The following DOP1B variants were observed in gnomAD, a reference collection of about 807,000 sequenced individuals.
DOP1B encodes the protein DOP1 leucine zipper like protein B.
A neutral mutation model predicts 233.5 loss-of-function variants in DOP1B; 174 were observed. That is an observed-to-expected ratio of 0.75 (90% CI 0.66 to 0.85). DOP1B has a LOEUF of 0.85. DOP1B is among the 40% of genes least tolerant of loss of function. The pLI is 0.00. For synonymous variants in DOP1B, 1,190 were observed against 1,185.6 expected (o/e 1.00, Z -0.08); for missense variants, 2,652 against 2,846.6 (o/e 0.93, Z 1.56).
In DOP1B at chr21:36,271,675, G is replaced by T. The variant is rs571466766; in HGVS notation, c.5632+1518G>T. On this transcript the variant is annotated intron_variant, in intron 27 of 36. Transcript: ENST00000691173. The stretch of plus-strand genomic sequence containing the variant: ...TAAACACCGGGACCCCTTAGCTGGT[G>T]TCCCACCATGTGTATGCCATCCTGC... Among the ~76,000 whole-genome samples the T allele has an allele frequency of 5.3e-5, 8 of 152,176 alleles. 1 individual carries two copies. The highest frequency in any genetic ancestry group is 1.3e-4 in the Admixed American group (2 of 15,286).
At chr21:36,233,731 G>A (rs1010683371) in intron 15 of DOP1B, among the ~76,000 whole-genome samples, 2 of 152,210 alleles carry the variant, frequency 1.3e-5, no homozygotes, top group African/African-American at 4.8e-5. Context: ...ACCAGTTATG[G>A]TTGTGTTGCT....
chr21:36,224,340 C>T (rs1202927580), intron 11 of DOP1B, among the ~76,000 whole-genome samples: 1 of 152,022 alleles, frequency 6.6e-6, no homozygotes, highest in Non-Finnish European at 1.5e-5. Context: ...CCACCACACC[C>T]AGCTAATTTT....
chr21:36,270,959 C>G (rs2067281808), intron 27 of DOP1B, among the ~76,000 whole-genome samples: 1 of 149,330 alleles, frequency 6.7e-6, no homozygotes, highest in African/African-American at 2.5e-5. Context: ...TGATGCATGT[C>G]TTAACTTGTG....
chr21:36,161,744 C>T (rs974014916), intron 1 of DOP1B, among the ~76,000 whole-genome samples: 1 of 152,178 alleles, frequency 6.6e-6, no homozygotes, highest in Non-Finnish European at 1.5e-5. Flanking sequence ...GAAAGATCGC[C>T]GTGCCCAGTG....
intron 11 of DOP1B, 105 bp from the exon 12 acceptor site, chr21:36,225,460 A>C (rs2066671182): frequency 4.8e-6 from 6 of 1,262,634 alleles, no homozygotes; most frequent in African/African-American, 1.5e-5. Flanking sequence ...CAGACTCCTG[A>C]GCTCAGACAG....
intron 14 of DOP1B, among the ~76,000 whole-genome samples, chr21:36,232,238 C>T (rs371873642): frequency 1.3e-5 from 2 of 152,172 alleles, no homozygotes; most frequent in Non-Finnish European, 2.9e-5. Flanking sequence ...CCGCCTTGGC[C>T]TCCCAAAGTG....
At chr21:36,233,153 G>A in intron 15 of DOP1B, 78 bp downstream of exon 15, 2 of 1,511,510 alleles carry the variant, frequency 1.3e-6, no homozygotes, top group Non-Finnish European at 8.9e-7. Context: ...TGCTGGGGAT[G>A]GGGGCAGTGG....
intron 13 of DOP1B, among the ~76,000 whole-genome samples, 181 bp downstream of exon 13, chr21:36,228,058 A>G (rs2066713888): frequency 6.6e-6 from 1 of 152,114 alleles, no homozygotes; most frequent in African/African-American, 2.4e-5. Flanking sequence ...GCATGGTACA[A>G]TGGCTCACAC....
intron 24 of DOP1B, chr21:36,261,270 C>T: frequency 5.4e-6 from 5 of 930,954 alleles, no homozygotes; most frequent in Non-Finnish European, 6.4e-6. Context: ...GAGGCTGAGG[C>T]AGGAGAATTG....
chr21:36,169,274 G>A (rs2065947433), intron 2 of DOP1B: 1 of 824,998 alleles, frequency 1.2e-6, no homozygotes, highest in Non-Finnish European at 2.1e-6. Flanking sequence ...GTCCGTGGAG[G>A]CATTGTTCTT....
rs2065856450 is a variant in DOP1B at position 36,160,131 on chromosome 21, A to AAAC, written c.-27+3190_-27+3191insCAA. The stretch of plus-strand genomic sequence containing the variant: ...GTTTCAGAACTGAATTTTCTGGAAA[A>AAAC]AATAATAATAATAATAATAATATGG... On this transcript the variant is annotated intron_variant, in intron 1 of 36. Coordinates refer to ENST00000691173, the MANE Select transcript of DOP1B (RefSeq NM_001320714.2). Among the ~76,000 whole-genome samples, 4 of 66,454 alleles carry AAAC rather than the reference A, an allele frequency of 6.0e-5. No individual in the cohort carries two copies. In the South Asian group the frequency reaches 1.6e-3, roughly 27 times the overall value. The allele number at this position is 66,454 out of a possible 152,430, so 43.6% of individuals were successfully genotyped here.
At chr21:36,279,406 C>T (rs184350339) in intron 30 of DOP1B, among the ~76,000 whole-genome samples, 1 of 152,046 alleles carries the variant, frequency 6.6e-6, no homozygotes, top group Non-Finnish European at 1.5e-5. Context: ...TGACAGCACA[C>T]GACCCTGGGC....
intron 2 of DOP1B, among the ~76,000 whole-genome samples, chr21:36,192,334 G>A (rs890451286): frequency 7.9e-5 from 12 of 151,542 alleles, no homozygotes; most frequent in African/African-American, 2.7e-4. Context: ...ACTCCACTGT[G>A]GGTGACAGGG....
chr21:36,279,834 C>T (rs528720529), intron 30 of DOP1B, among the ~76,000 whole-genome samples: 2 of 152,244 alleles, frequency 1.3e-5, no homozygotes, highest in South Asian at 4.1e-4. Context: ...TATATGTAAA[C>T]TATTTATTTC....
intron 2 of DOP1B, among the ~76,000 whole-genome samples, chr21:36,166,440 A>AAG (rs2065912143): frequency 1.3e-5 from 2 of 151,958 alleles, no homozygotes; most frequent in Non-Finnish European, 2.9e-5. Context: ...CCGTCTCAAA[A>AAG]AAAAAAAAAT....
Position 36,253,811 on chromosome 21 carries a change from G to A in DOP1B, c.5161G>A (p.Asp1721Asn), listed in dbSNP as rs140282403. The A allele has an allele frequency of 2.9e-4, 462 of 1,613,428 alleles. 1 individual carries two copies. The highest frequency in any genetic ancestry group is 3.8e-4 in the Non-Finnish European group (443 of 1,179,894). Reference sequence around the variant, plus strand: ...AAGTGCATCCCAGCTAACCCTTGTCGACTTGGTGTGTGCACTCAGCACCCT... The same window carrying A: ...AAGTGCATCCCAGCTAACCCTTGTCAACTTGGTGTGTGCACTCAGCACCCT... ...TASASQLTLV[D>N]LVCALSTLQT... Residue 1721 changes from aspartate (D) to asparagine (N), a missense_variant, in exon 23 of 37, where the codon GAC becomes AAC. Coordinates refer to ENST00000691173, the MANE Select transcript of DOP1B (RefSeq NM_001320714.2).
At chr21:36,159,514 A>G (rs1487327771) in intron 1 of DOP1B, among the ~76,000 whole-genome samples, 1 of 152,132 alleles carries the variant, frequency 6.6e-6, no homozygotes, top group Non-Finnish European at 1.5e-5. Context: ...CACCCAGAAG[A>G]CTTGCTTGGT....
chr21:36,273,631 T>A (rs1408403134), intron 27 of DOP1B, among the ~76,000 whole-genome samples: 2 of 152,140 alleles, frequency 1.3e-5, no homozygotes, highest in African/African-American at 4.8e-5. Context: ...GGGAAGGCAC[T>A]GCCCCGAGGG....
intron 2 of DOP1B, among the ~76,000 whole-genome samples, chr21:36,190,100 C>T (rs1601397014): frequency 6.8e-6 from 1 of 147,592 alleles, no homozygotes; most frequent in Non-Finnish European, 1.5e-5. Flanking sequence ...GGCAGATTGC[C>T]TGAGGTCAGG....
Sources: gnomAD v4.1 joint callset for allele counts (sites outside exome capture counted in the v4.1 genomes callset) on GRCh38, gnomAD v4.1.1 for gene constraint, MANE v1.5 for transcripts, NCBI Gene and HGNC (gene_info 2026-07-23, HGNC 2026-07-21) for gene names.